The following SEMA6D variants were observed in gnomAD, a reference collection of about 807,000 sequenced individuals.
SEMA6D encodes the protein semaphorin 6D, also known as semaphorin-6D.
SEMA6D carries 35 observed loss-of-function variants against 106.6 expected under a neutral mutation model. The observed-to-expected ratio is 0.33, with a 90% CI of 0.25 to 0.44. The LOEUF (loss-of-function observed/expected upper bound fraction) is 0.44. Among genes scored for constraint, SEMA6D ranks in the 20% least tolerant of loss-of-function variants. SEMA6D has a pLI of 1.00. For missense variants in SEMA6D, 1,185 were observed against 1,345.9 expected (o/e 0.88, Z 1.87); for synonymous variants, 499 against 487.7 (o/e 1.02, Z -0.31).
At chr15:47,550,988 A>T (rs1390752980) in intron 3 of SEMA6D, among the ~76,000 whole-genome samples, 1 of 152,208 alleles carries the variant, frequency 6.6e-6, no homozygotes, top group Non-Finnish European at 1.5e-5. Flanking sequence ...GCATAATAAA[A>T]ATTAGACTAG....
intron 1 of SEMA6D, among the ~76,000 whole-genome samples, chr15:47,205,671 A>G (rs534424761): frequency 6.6e-6 from 1 of 152,216 alleles, no homozygotes; most frequent in South Asian, 2.1e-4. Flanking sequence ...AGCCACAGAT[A>G]TATTTATATG....
At chr15:47,230,332 T>C (rs756562268) in intron 1 of SEMA6D, among the ~76,000 whole-genome samples, 2 of 152,128 alleles carry the variant, frequency 1.3e-5, no homozygotes, top group Admixed American at 6.6e-5. Context: ...AATATACAAA[T>C]ACTTTTCATG....
chr15:47,635,903 T>C (rs1363985933), intron 4 of SEMA6D, among the ~76,000 whole-genome samples: 1 of 148,750 alleles, frequency 6.7e-6, no homozygotes, highest in African/African-American at 2.5e-5. Flanking sequence ...TGGTGTTTAG[T>C]AGCAATGAAG....
At chr15:47,217,971 C>CT (rs1266977373) in intron 1 of SEMA6D, among the ~76,000 whole-genome samples, 8 of 151,860 alleles carry the variant, frequency 5.3e-5, no homozygotes, top group African/African-American at 1.9e-4. Flanking sequence ...GAAGGTATCA[C>CT]TTTGAAGTCT....
chr15:47,223,821 C>T (rs1406873536), intron 1 of SEMA6D, among the ~76,000 whole-genome samples: 1 of 152,016 alleles, frequency 6.6e-6, no homozygotes, highest in Non-Finnish European at 1.5e-5. Context: ...TATTTGAATT[C>T]CTCTTTTTAT....
chr15:47,304,872 A>G (rs1003804502), intron 1 of SEMA6D, among the ~76,000 whole-genome samples: 3 of 152,194 alleles, frequency 2.0e-5, no homozygotes, highest in Non-Finnish European at 2.9e-5. Flanking sequence ...CAAGTTTGCA[A>G]TCACTCAAAT....
chr15:47,627,534 T>C (rs1446035069), intron 4 of SEMA6D, among the ~76,000 whole-genome samples: 1 of 152,174 alleles, frequency 6.6e-6, no homozygotes. Context: ...GGTGAGAATT[T>C]ATGCTATAGT....
chr15:47,691,332 A>G (rs2078582197), intron 4 of SEMA6D, among the ~76,000 whole-genome samples: 1 of 152,126 alleles, frequency 6.6e-6, no homozygotes, highest in Non-Finnish European at 1.5e-5. Context: ...AGGAAGTCAA[A>G]TCATGTTGTT....
intron 1 of SEMA6D, among the ~76,000 whole-genome samples, chr15:47,382,652 G>A (rs1345411047): frequency 1.3e-5 from 2 of 152,254 alleles, no homozygotes; most frequent in Admixed American, 1.3e-4. Context: ...ACATGGCTAA[G>A]ACAAGGTTTC....
chr15:47,291,023 G>GTA (rs1240242774), intron 1 of SEMA6D, among the ~76,000 whole-genome samples: 1 of 152,170 alleles, frequency 6.6e-6, no homozygotes, highest in Non-Finnish European at 1.5e-5. Flanking sequence ...TTTCAGTGAT[G>GTA]TATAGCTAGG....
chr15:47,640,618 G>A (rs938042282), intron 4 of SEMA6D, among the ~76,000 whole-genome samples: 1 of 152,078 alleles, frequency 6.6e-6, no homozygotes, highest in Admixed American at 6.6e-5. Context: ...AATGAATTTT[G>A]TACGTCTATG....
intron 1 of SEMA6D, among the ~76,000 whole-genome samples, chr15:47,263,532 A>C (rs192835112): frequency 1.3e-5 from 2 of 152,272 alleles, no homozygotes; most frequent in African/African-American, 4.8e-5. Flanking sequence ...ACTATTATTA[A>C]AAAGTAAAAA....
At chr15:47,509,354 G>T (rs372269142) in intron 3 of SEMA6D, among the ~76,000 whole-genome samples, 1 of 152,134 alleles carries the variant, frequency 6.6e-6, no homozygotes, top group African/African-American at 2.4e-5. Flanking sequence ...AAGAACACAT[G>T]TCTCAATTCT....
intron 1 of SEMA6D, among the ~76,000 whole-genome samples, chr15:47,341,844 A>G (rs767533700): frequency 2.6e-5 from 4 of 152,138 alleles, no homozygotes; most frequent in South Asian, 2.1e-4. Flanking sequence ...AGTTTCCCCA[A>G]TAGTGAGCTC....
intron 3 of SEMA6D, among the ~76,000 whole-genome samples, chr15:47,567,019 T>A (rs2046250074): frequency 6.6e-6 from 1 of 152,250 alleles, no homozygotes; most frequent in Admixed American, 6.5e-5. Context: ...AGAGGTCATT[T>A]TTGGAAGCTG....
intron 1 of SEMA6D, among the ~76,000 whole-genome samples, chr15:47,288,595 C>G (rs2035467772): frequency 6.6e-6 from 1 of 152,130 alleles, no homozygotes; most frequent in Non-Finnish European, 1.5e-5. Flanking sequence ...TTTTGCCATT[C>G]AATAAATACT....
At chr15:47,553,415 G>T (rs1170525840) in intron 3 of SEMA6D, among the ~76,000 whole-genome samples, 1 of 152,074 alleles carries the variant, frequency 6.6e-6, no homozygotes, top group Non-Finnish European at 1.5e-5. Context: ...CAGCAGGATT[G>T]CATAAAACAC....
chr15:47,451,880 T>C (rs1285447634), intron 2 of SEMA6D, among the ~76,000 whole-genome samples: 5 of 152,026 alleles, frequency 3.3e-5, no homozygotes, highest in Admixed American at 3.3e-4. Context: ...GGACATTGAA[T>C]GGTACATTAA....
chr15:47,716,060 A>T (rs983290913), upstream of SEMA6D, among the ~76,000 whole-genome samples: 2 of 152,204 alleles, frequency 1.3e-5, no homozygotes, highest in Non-Finnish European at 2.9e-5. Context: ...AGAGCCCAGC[A>T]CAACCAGAAA....
Sources: allele counts gnomAD v4.1 joint callset (sites outside exome capture counted in the v4.1 genomes callset), GRCh38; gene constraint gnomAD v4.1.1; transcripts MANE v1.5; gene names NCBI Gene and HGNC (gene_info 2026-07-23, HGNC 2026-07-21).